Variants in NPHP4 observed in about 807,000 individuals in gnomAD.
The protein encoded by NPHP4 is nephrocystin-4.
A neutral mutation model predicts 155.8 loss-of-function variants in NPHP4; 151 were observed. The ratio of observed to expected loss-of-function variants is 0.97; its 90% CI spans 0.85 to 1.11. The LOEUF (loss-of-function observed/expected upper bound fraction) is 1.11. Among genes scored for constraint, NPHP4 ranks in the 50% least tolerant of loss-of-function variants. NPHP4 has a pLI of 0.00. For missense variants in NPHP4, 1,956 were observed against 1,925.7 expected (o/e 1.02, Z -0.29); for synonymous variants, 845 against 816.8 (o/e 1.03, Z -0.59).
At chr1:5,968,600 C>T (rs1201274221) in intron 4 of NPHP4, among the ~76,000 whole-genome samples, 1 of 149,872 alleles carries the variant, frequency 6.7e-6, no homozygotes, top group Non-Finnish European at 1.5e-5. Flanking sequence ...GACCCTGTCT[C>T]GAAGAAAAAA....
chr1:5,867,621 G>T lies in NPHP4; in HGVS notation c.3472+119C>A. The T allele has an allele frequency of 9.7e-7, 1 of 1,035,252 alleles. No individual in the cohort carries two copies. Among genetic ancestry groups the T allele is most frequent in the Non-Finnish European group, 1.4e-6 (1 of 708,210 alleles). 64.1% of individuals were successfully genotyped at this position (1,035,252 alleles called of 1,614,324 possible). On this transcript the variant is annotated intron_variant, in intron 24 of 29. Transcript: ENST00000378156. This position sits in a 1 kb window ranked among gnomAD's most constrained non-coding sequence, Gnocchi z 4.1. The stretch of plus-strand genomic sequence containing the variant: ...GGAGAGAGAATTCCCCAGGCCCCAC[G>T]TGCTGCTCTGACAGCACCAGGGCAT...
chr1:5,866,598 G>A lies in NPHP4; in HGVS notation c.3559-140C>T, dbSNP rs114968327. 7,102 of 630,738 alleles carry A rather than the reference G, an allele frequency of 0.011. 322 individuals are homozygous for A. The highest frequency in any genetic ancestry group is 0.1 in the African/African-American group (5,626 of 54,562). The allele number at this position is 630,738 out of a possible 1,614,324, so 39.1% of individuals were successfully genotyped here. A position where few individuals can be genotyped will look rare whatever the true frequency, so the allele number is the denominator to read the frequency against. ...CATCTGTTCATGTTCTATACCAATC[G>A]GAATTCACTATTCTGTTCACTGCCA... is the stretch of plus-strand genomic sequence containing the variant. On this transcript the variant is annotated intron_variant, in intron 25 of 29. Transcript: ENST00000378156.
At chr1:5,976,159 G>A (rs572331782) in intron 3 of NPHP4, among the ~76,000 whole-genome samples, 13 of 152,164 alleles carry the variant, frequency 8.5e-5, no homozygotes, top group African/African-American at 1.4e-4. Context: ...AGGTGGAGCC[G>A]TCAGATGCAC....
At chr1:5,930,152 T>C (rs1646201452) in intron 10 of NPHP4, among the ~76,000 whole-genome samples, 1 of 152,186 alleles carries the variant, frequency 6.6e-6, no homozygotes, top group African/African-American at 2.4e-5. Flanking sequence ...ATATTCCTTC[T>C]TTCATTCCTA....
rs945140057 is a variant in NPHP4, at chr1:5,910,869, G to A, written c.1442-1656C>T. Among the ~76,000 whole-genome samples, 1 of 152,198 alleles carries A rather than the reference G, an allele frequency of 6.6e-6. No individual in the cohort carries two copies. The highest frequency in any genetic ancestry group is 2.4e-5 in the African/African-American group (1 of 41,454). ...AAACCCTGCTAAGGGCCTGTGGATG[G>A]GTGGAAGGCATTGGGGCAAGGCCAG... On this transcript the variant is annotated intron_variant, in intron 11 of 29. Coordinates refer to ENST00000378156, the MANE Select transcript of NPHP4 (RefSeq NM_015102.5). The surrounding 1 kb of genome is among the most constrained non-coding windows in gnomAD (Gnocchi z 5.4).
rs369699238 is a variant in NPHP4 at position 5,887,484 on chromosome 1, G to T, written c.2305-18C>A. 11 of 1,611,088 alleles carry T rather than the reference G, an allele frequency of 6.8e-6. No homozygotes were observed. The African/African-American group carries it at 1.5e-4, about 22-fold the overall frequency. ...AGGAGATGCTGCAGAAGAGAAAAGC[G>T]CGTTCAGAGGCTGGAGCCGGCCCTG... On this transcript the variant is annotated intron_variant, in intron 17 of 29. Coordinates refer to ENST00000378156, the MANE Select transcript of NPHP4 (RefSeq NM_015102.5).
intron 3 of NPHP4, among the ~76,000 whole-genome samples, chr1:5,972,374 C>G (rs1163983766): frequency 6.6e-6 from 1 of 151,994 alleles, no homozygotes. Flanking sequence ...ATTTCCACAG[C>G]AAAGCATCAT....
intron 10 of NPHP4, among the ~76,000 whole-genome samples, chr1:5,929,603 T>C (rs1042659968): frequency 6.6e-6 from 1 of 152,206 alleles, no homozygotes; most frequent in African/African-American, 2.4e-5. Flanking sequence ...ATTACATTTA[T>C]TGATTTCCAA....
At chr1:5,865,555 T>C in intron 26 of NPHP4, 1 of 372,952 alleles carries the variant, frequency 2.7e-6, no homozygotes, top group South Asian at 9.4e-5. Flanking sequence ...AGGAACCACA[T>C]GTCAAACAAA....
At chr1:5,966,606 G>C (rs973054605) in intron 5 of NPHP4, among the ~76,000 whole-genome samples, 25 of 152,080 alleles carry the variant, frequency 1.6e-4, no homozygotes. Flanking sequence ...AGGAATCTGG[G>C]CAGCATCTCA....
chr1:5,942,135 C>T (rs1368526162), intron 9 of NPHP4, among the ~76,000 whole-genome samples: 1 of 152,156 alleles, frequency 6.6e-6, no homozygotes, highest in African/African-American at 2.4e-5. Context: ...CCAAGGACTG[C>T]CCCTTGCTCA....
chr1:5,885,652 A>G (rs751642706), intron 18 of NPHP4, among the ~76,000 whole-genome samples: 1 of 152,192 alleles, frequency 6.6e-6, no homozygotes, highest in Non-Finnish European at 1.5e-5. Context: ...AGGAACATGC[A>G]CTGTGAATGC....
In NPHP4 at chr1:5,867,859, A is replaced by G; in HGVS notation, c.3353T>C (p.Val1118Ala). The change falls in exon 24 of 30, where the codon GTG becomes GCG. Residue 1118 changes from valine to alanine, a missense_variant. Physicochemically the swap from Val to Ala is moderately conservative, Grantham distance 64. Transcript: ENST00000378156. The surrounding 1 kb of genome is among the most constrained non-coding windows in gnomAD (Gnocchi z 4.1). ...CTGCAGCTCCACAGTCAGGCAGAGC[A>G]CGGCGATGGGCTTGCCACCACTCGC... is the stretch of plus-strand genomic sequence containing the variant. The part of the protein sequence containing the change: ...FRASGGKPIA[V>A]LCLTVELQPH... The G allele has an allele frequency of 1.2e-6, 2 of 1,613,976 alleles. No homozygotes were observed. Among genetic ancestry groups the G allele is most frequent in the Non-Finnish European group, 1.7e-6 (2 of 1,179,882 alleles).
chr1:5,902,584 T>C (rs1456681350), intron 16 of NPHP4, among the ~76,000 whole-genome samples: 2 of 152,146 alleles, frequency 1.3e-5, no homozygotes, highest in Non-Finnish European at 2.9e-5. Context: ...CTTCTAAGCA[T>C]TTACACTTAT....
intron 12 of NPHP4, among the ~76,000 whole-genome samples, chr1:5,907,500 A>G (rs1000107985): frequency 3.3e-5 from 5 of 152,360 alleles, no homozygotes; most frequent in South Asian, 2.1e-4. Flanking sequence ...AGAAAGGAGA[A>G]AGCATCTCAA....
chr1:5,925,935 G>A (rs571211775), intron 11 of NPHP4, among the ~76,000 whole-genome samples: 57 of 152,306 alleles, frequency 3.7e-4, no homozygotes, highest in African/African-American at 1.2e-3. Context: ...TGTTTTAAAT[G>A]ATCCTTTATT....
chr1:5,878,054 C>T (rs537549753), intron 19 of NPHP4, among the ~76,000 whole-genome samples: 11 of 152,348 alleles, frequency 7.2e-5, no homozygotes, highest in Admixed American at 3.3e-4. Context: ...CCCAGAAAAT[C>T]GCTCAGCCCG....
intron 1 of NPHP4, among the ~76,000 whole-genome samples, chr1:5,991,234 C>A (rs904135102): frequency 1.3e-5 from 2 of 152,030 alleles, no homozygotes; most frequent in South Asian, 2.1e-4. Context: ...ACCTACCCTG[C>A]GCCCGGGAGA....
At chr1:5,941,378 G>C (rs539017673) in intron 9 of NPHP4, among the ~76,000 whole-genome samples, 1 of 145,844 alleles carries the variant, frequency 6.9e-6, no homozygotes, top group Admixed American at 6.9e-5. Context: ...GGGGAACGAA[G>C]AAAGGCTTTT....
Sources: allele counts gnomAD v4.1 joint callset (sites outside exome capture counted in the v4.1 genomes callset), GRCh38; gene constraint gnomAD v4.1.1; non-coding constraint Gnocchi (gnomAD v3.1); transcripts MANE v1.5; gene names NCBI Gene and HGNC (gene_info 2026-07-23, HGNC 2026-07-21).